Variants in RABGAP1L observed in about 807,000 individuals in gnomAD.
RABGAP1L encodes rab GTPase-activating protein 1-like.
In RABGAP1L, 63 loss-of-function variants were observed where a neutral mutation model predicts 137.7. The observed-to-expected ratio is 0.46, with a 90% CI of 0.37 to 0.56. RABGAP1L has a LOEUF of 0.56. Among genes scored for constraint, RABGAP1L ranks in the 20% least tolerant of loss-of-function variants. RABGAP1L has a pLI of 0.00. For missense variants in RABGAP1L, 1,095 were observed against 1,244.0 expected (o/e 0.88, Z 1.80); for synonymous variants, 431 against 433.7 (o/e 0.99, Z 0.08).
chr1:174,551,340 A>G (rs1666533604), intron 13 of RABGAP1L, among the ~76,000 whole-genome samples: 1 of 152,124 alleles, frequency 6.6e-6, no homozygotes, highest in African/African-American at 2.4e-5. Flanking sequence ...TTGAAATCAT[A>G]TAGAGTATGT....
chr1:174,623,761 C>G (rs1374319579), intron 13 of RABGAP1L, among the ~76,000 whole-genome samples: 1 of 152,150 alleles, frequency 6.6e-6, no homozygotes. Context: ...GGTCCAAAGT[C>G]TTAGTCATAA....
intron 14 of RABGAP1L, among the ~76,000 whole-genome samples, chr1:174,643,857 T>C (rs1256771705): frequency 6.6e-6 from 1 of 152,046 alleles, no homozygotes; most frequent in African/African-American, 2.4e-5. Context: ...ACTAAATATA[T>C]GCACACACAT....
At chr1:174,751,276 A>G (rs1265499627) in intron 17 of RABGAP1L, among the ~76,000 whole-genome samples, 1 of 152,238 alleles carries the variant, frequency 6.6e-6, no homozygotes, top group Admixed American at 6.5e-5. Flanking sequence ...AAATCATAAC[A>G]GGAATACACT....
intron 13 of RABGAP1L, among the ~76,000 whole-genome samples, chr1:174,419,502 T>C (rs928440466): frequency 5.9e-5 from 9 of 151,422 alleles, no homozygotes; most frequent in African/African-American, 2.2e-4. Context: ...ATGTACACTA[T>C]ATCTTACTAT....
chr1:174,672,281 CTTTTTTTTTTTTTT>C (rs1256381168), intron 14 of RABGAP1L, among the ~76,000 whole-genome samples: 1 of 118,368 alleles, frequency 8.4e-6, no homozygotes, highest in African/African-American at 3.4e-5. Flanking sequence ...TTTTTCCTTT[CTTTTTTTTTTTTTT>C]TTTGATATGG....
intron 18 of RABGAP1L, among the ~76,000 whole-genome samples, chr1:174,785,588 C>G (rs964394899): frequency 6.6e-6 from 1 of 152,210 alleles, no homozygotes; most frequent in African/African-American, 2.4e-5. Flanking sequence ...GAAAATAATG[C>G]GTTCTCATTT....
rs902587315 is a variant in RABGAP1L at position 174,484,578 on chromosome 1, G to A, written c.1710+90433G>A. ...TTTAATCCATTTTGATTTGATATTT[G>A]TATATGGTGAGAGATAGGGTTCTTC... On this transcript the variant is annotated intron_variant, in intron 13 of 25. Transcript: ENST00000681986. 2.0e-5 allele frequency among the ~76,000 whole-genome samples: 3 copies of A among 152,254 alleles called. No individual in the cohort carries two copies. In the South Asian group the frequency reaches 6.2e-4, roughly 32 times the overall value.
chr1:174,314,183 C>T (rs1486574610), intron 11 of RABGAP1L, among the ~76,000 whole-genome samples: 1 of 152,118 alleles, frequency 6.6e-6, no homozygotes, highest in Non-Finnish European at 1.5e-5. Context: ...GCTTCAATCT[C>T]AGTACTTGTT....
intron 13 of RABGAP1L, among the ~76,000 whole-genome samples, chr1:174,541,214 TA>T (rs1276510974): frequency 6.6e-6 from 1 of 152,188 alleles, no homozygotes; most frequent in Non-Finnish European, 1.5e-5. Flanking sequence ...GTTTTCTAAA[TA>T]TACAATCATG....
chr1:174,641,881 G>A lies in RABGAP1L; in HGVS notation c.1824+4393G>A, dbSNP rs562103080. 2.6e-5 allele frequency among the ~76,000 whole-genome samples: 4 copies of A among 152,252 alleles called. No homozygotes were observed. In the South Asian group the frequency reaches 8.3e-4, roughly 32 times the overall value. Reference sequence around the variant, plus strand: ...AATTTAGCAGTTAAATCCTGCGTCAGTTATTAGCTCTGGCTCTCAATACTA... The same window carrying A: ...AATTTAGCAGTTAAATCCTGCGTCAATTATTAGCTCTGGCTCTCAATACTA... On this transcript the variant is annotated intron_variant, in intron 14 of 25. Transcript: ENST00000681986.
chr1:174,683,600 A>G lies in RABGAP1L; in HGVS notation c.1899+4A>G. 6.3e-7 allele frequency: 1 copy of G among 1,597,658 alleles called. No individual in the cohort carries two copies. The highest frequency in any genetic ancestry group is 8.6e-7 in the Non-Finnish European group (1 of 1,165,192). On this transcript the variant is annotated splice_donor_region_variant and intron_variant, in intron 15 of 25. Transcript: ENST00000681986. ...TGCTGCTGTATTACTGCTGCATGTA[A>G]GTAATGGTCCGTGTGATAAATAGCA... is the stretch of plus-strand genomic sequence containing the variant.
chr1:174,310,198 G>T (rs928867437), intron 11 of RABGAP1L, among the ~76,000 whole-genome samples: 1 of 152,078 alleles, frequency 6.6e-6, no homozygotes, highest in Non-Finnish European at 1.5e-5. Context: ...TGTTGTATCA[G>T]TTGAAATGTC....
intron 19 of RABGAP1L, among the ~76,000 whole-genome samples, chr1:174,822,044 C>T (rs1469419699): frequency 2.0e-5 from 3 of 152,138 alleles, no homozygotes; most frequent in East Asian, 1.9e-4. Context: ...GGGTGGATCA[C>T]GAGGTCAGGA....
intron 20 of RABGAP1L, chr1:174,957,761 T>G: frequency 1.1e-6 from 1 of 926,608 alleles, no homozygotes; most frequent in Non-Finnish European, 1.7e-6. Context: ...AAGCAGCAGT[T>G]GTGGCAAGTT....
chr1:174,346,364 C>T (rs1682428639), intron 11 of RABGAP1L, among the ~76,000 whole-genome samples: 1 of 152,106 alleles, frequency 6.6e-6, no homozygotes, highest in Non-Finnish European at 1.5e-5. Flanking sequence ...ATGAAGCCAT[C>T]AGATCCTGGA....
chr1:174,182,989 T>C (rs1349915573), intron 1 of RABGAP1L, among the ~76,000 whole-genome samples: 2 of 152,260 alleles, frequency 1.3e-5, no homozygotes, highest in Non-Finnish European at 2.9e-5. Context: ...TTTATATGCA[T>C]GTGTTTTAGA....
At chr1:174,570,714 T>C (rs1358970027) in intron 13 of RABGAP1L, among the ~76,000 whole-genome samples, 1 of 152,044 alleles carries the variant, frequency 6.6e-6, no homozygotes, top group Non-Finnish European at 1.5e-5. Flanking sequence ...AAAAAAACTA[T>C]AGTGAGATAT....
chr1:174,994,654 C>T lies in RABGAP1L; in HGVS notation c.*4653C>T, dbSNP rs1463464051. 1.3e-5 allele frequency: 2 copies of T among 152,180 alleles called. No individual in the cohort carries two copies. The highest frequency in any genetic ancestry group is 3.9e-4 in the East Asian group (2 of 5,194). The allele number at this position is 152,180 out of a possible 1,614,324, so 9.4% of individuals were successfully genotyped here. On this transcript the variant is annotated 3_prime_UTR_variant, in exon 26 of 26. Transcript: ENST00000681986. ...TAAATGCATCGAAAGACTCTGGTGTCATGAAAGCACAAGAATAAGGCTGGA... is the reference window on the plus strand; with the variant it reads ...TAAATGCATCGAAAGACTCTGGTGTTATGAAAGCACAAGAATAAGGCTGGA...
chr1:174,378,728 T>C (rs1166331009), intron 12 of RABGAP1L, among the ~76,000 whole-genome samples: 159 of 150,860 alleles, frequency 1.1e-3, no homozygotes, highest in African/African-American at 3.5e-3. Context: ...TTCTCCCATT[T>C]TGTAGGTTGC....
Sources: allele counts gnomAD v4.1 joint callset (sites outside exome capture counted in the v4.1 genomes callset), GRCh38; gene constraint gnomAD v4.1.1; transcripts MANE v1.5; gene names NCBI Gene and HGNC (gene_info 2026-07-23, HGNC 2026-07-21).